SNTA1: variants seen among roughly 807,000 people sequenced by gnomAD.
SNTA1 encodes syntrophin alpha 1.
In SNTA1, 31 loss-of-function variants were observed where a neutral mutation model predicts 47.1. The ratio of observed to expected loss-of-function variants is 0.66; its 90% CI spans 0.49 to 0.89. SNTA1 has a LOEUF of 0.89. Ranked by LOEUF, SNTA1 falls within the 40% of genes least tolerant of loss-of-function variation. The pLI is 0.00. For synonymous variants in SNTA1, 300 were observed against 313.6 expected, an observed-to-expected ratio of 0.96 and a Z score of 0.46; for missense variants, 575 against 693.0, an observed-to-expected ratio of 0.83 and a Z score of 1.91.
chr20:33,418,005 T>C, intron 2 of SNTA1, 82 bp from the exon 3 acceptor site: 1 of 943,890 alleles, frequency 1.1e-6, no homozygotes, highest in South Asian at 1.4e-5. Flanking sequence ...TTATTAAGAG[T>C]TTAATTTACG....
At chr20:33,412,447 G>A (rs757364998) in intron 4 of SNTA1, 21 bp from the exon 5 acceptor site, 4 of 1,610,002 alleles carry the variant, frequency 2.5e-6, no homozygotes, top group South Asian at 1.1e-5. Flanking sequence ...CAAAACAGCA[G>A]TGAGGATGGG....
intron 3 of SNTA1, among the ~76,000 whole-genome samples, chr20:33,415,722 C>T (rs1200174400): frequency 2.0e-5 from 3 of 150,362 alleles, no homozygotes; most frequent in African/African-American, 7.4e-5. Flanking sequence ...ACCTAGGAGG[C>T]GGAGGTTGCA....
At chr20:33,430,295 T>C (rs1316026105) in intron 2 of SNTA1, among the ~76,000 whole-genome samples, 1 of 145,392 alleles carries the variant, frequency 6.9e-6, no homozygotes, top group African/African-American at 2.6e-5. Context: ...TTCTTTTTTT[T>C]TTTTTTTTTT....
At chr20:33,419,871 C>T (rs763427080) in intron 2 of SNTA1, among the ~76,000 whole-genome samples, 3 of 152,108 alleles carry the variant, frequency 2.0e-5, no homozygotes, top group African/African-American at 4.8e-5. Context: ...CTCCTTTAGC[C>T]TTTCAAAGTT....
chr20:33,410,215 G>A lies in SNTA1; in HGVS notation c.1157C>T (p.Pro386Leu), dbSNP rs200865199. The stretch of plus-strand genomic sequence containing the variant: ...GCGGGTCCAGGCAGCCAGCTCCTGC[G>A]GTGACTCCACGCTGAACAGGTGAGT... ...VDTHLFSVES[P>L]QELAAWTRQL... The change falls in exon 6 of 8, where the codon CCG becomes CTG. Residue 386 changes from proline (P) to leucine (L), a missense_variant. Coordinates refer to ENST00000217381, the MANE Select transcript of SNTA1 (RefSeq NM_003098.3). The A allele has an allele frequency of 4.0e-5, 64 of 1,614,000 alleles. No homozygotes were observed. In the Admixed American group the frequency reaches 7.0e-4, roughly 18 times the overall value.
intron 6 of SNTA1, among the ~76,000 whole-genome samples, chr20:33,409,370 A>T (rs1989681525): frequency 6.6e-6 from 1 of 152,264 alleles, no homozygotes; most frequent in Admixed American, 6.5e-5. Context: ...CCTCACCAGC[A>T]GATTGACAAA....
chr20:33,431,294 T>C (rs1372882183), intron 2 of SNTA1, among the ~76,000 whole-genome samples: 1 of 152,130 alleles, frequency 6.6e-6, no homozygotes, highest in Non-Finnish European at 1.5e-5. Flanking sequence ...AAAATATATA[T>C]ATATGAGTTT....
At chr20:33,412,916 C>A in intron 3 of SNTA1, 134 bp from the exon 4 acceptor site, 1 of 699,640 alleles carries the variant, frequency 1.4e-6, no homozygotes, top group Non-Finnish European at 2.6e-6. Context: ...AGGAGCAACC[C>A]TCACTGCTGG....
chr20:33,427,763 G>C (rs555051259), intron 2 of SNTA1, among the ~76,000 whole-genome samples: 1 of 151,952 alleles, frequency 6.6e-6, no homozygotes, highest in Non-Finnish European at 1.5e-5. Context: ...TCATGAATAG[G>C]GGCTGCTAAA....
At chr20:33,441,586 A>G (rs2146812024) in intron 1 of SNTA1, among the ~76,000 whole-genome samples, 1 of 152,212 alleles carries the variant, frequency 6.6e-6, no homozygotes, top group African/African-American at 2.4e-5. Flanking sequence ...GCTTCAGTTC[A>G]GTTTGAAGCT....
chr20:33,436,688 T>A (rs1185377815), intron 2 of SNTA1, among the ~76,000 whole-genome samples: 3 of 151,504 alleles, frequency 2.0e-5, no homozygotes, highest in South Asian at 4.2e-4. Context: ...ATTGGCTAGG[T>A]GTGGTGGCTC....
intron 2 of SNTA1, among the ~76,000 whole-genome samples, chr20:33,424,080 C>T (rs1334242868): frequency 3.3e-5 from 5 of 151,574 alleles, no homozygotes; most frequent in African/African-American, 4.9e-5. Context: ...TTTGGGAGGC[C>T]GAGGCGAGTG....
intron 2 of SNTA1, among the ~76,000 whole-genome samples, chr20:33,437,315 C>T (rs891676957): frequency 6.7e-6 from 1 of 150,112 alleles, no homozygotes; most frequent in Admixed American, 6.7e-5. Flanking sequence ...TAGTCCCAGC[C>T]ACTCAGGAGG....
intron 2 of SNTA1, among the ~76,000 whole-genome samples, chr20:33,418,338 C>T (rs1989930881): frequency 6.6e-6 from 1 of 151,168 alleles, no homozygotes; most frequent in East Asian, 1.9e-4. Context: ...TCGCTACAGC[C>T]TCAATCTCCC....
intron 2 of SNTA1, among the ~76,000 whole-genome samples, chr20:33,425,357 A>G (rs1402585773): frequency 6.6e-6 from 1 of 152,046 alleles, no homozygotes; most frequent in Admixed American, 6.6e-5. Flanking sequence ...TGTGGAGCAA[A>G]AACATTGAAA....
chr20:33,435,596 A>T (rs181080590), intron 2 of SNTA1, among the ~76,000 whole-genome samples: 19 of 152,192 alleles, frequency 1.2e-4, no homozygotes, highest in African/African-American at 4.6e-4. Flanking sequence ...CTGCCTCAAG[A>T]AAAAAACACA....
Position 33,412,694 on chromosome 20 carries a change from T to A in SNTA1, c.790A>T (p.Ile264Phe). ...EASARSWATAIQAQVNTLTPR... is the reference protein window; with the variant it reads ...EASARSWATAFQAQVNTLTPR... The stretch of plus-strand genomic sequence containing the variant: ...GTCAGAGTATTGACCTGGGCTTGGA[T>A]GGCAGTCGCCCACGACCTCGCACTA... Residue 264 changes from isoleucine (I) to phenylalanine (F), a missense_variant, in exon 4 of 8, where the codon ATC becomes TTC. Transcript: ENST00000217381. 1 of 1,613,824 alleles carries A rather than the reference T, an allele frequency of 6.2e-7. No homozygotes were observed. Among genetic ancestry groups the A allele is most frequent in the Non-Finnish European group, 8.5e-7 (1 of 1,179,994 alleles).
At position 33,443,461 on chromosome 20, in the gene SNTA1, C is replaced by G. The variant is rs786205848; in HGVS notation, c.160G>C (p.Gly54Arg). ...GCGGGCTCCTGCTCCCGCGGAGCGC[C>G]GGGCTCGGGACCAGGGTCGCCGTCG... ...PADGDPGPEP[G>R]APREQEPAQL... is the part of the protein sequence containing the mutation. The change falls in exon 1 of 8, where the codon GGC (glycine) becomes CGC (arginine). Residue 54 changes from glycine to arginine, a missense_variant. Transcript: ENST00000217381. The G allele has an allele frequency of 1.9e-4, 257 of 1,369,088 alleles. No homozygotes were observed. Among genetic ancestry groups the G allele is most frequent in the Middle Eastern group, 5.4e-4 (2 of 3,710 alleles). 84.8% of individuals were successfully genotyped at this position (1,369,088 alleles called of 1,614,324 possible). A position where few individuals can be genotyped will look rare whatever the true frequency, so the allele number is the denominator to read the frequency against.
intron 5 of SNTA1, among the ~76,000 whole-genome samples, 172 bp downstream of exon 5, chr20:33,412,124 G>A (rs1347214774): frequency 6.6e-6 from 1 of 152,218 alleles, no homozygotes; most frequent in Non-Finnish European, 1.5e-5. Flanking sequence ...TTTGTTCCAA[G>A]CACCCATTTT....
Sources: allele counts gnomAD v4.1 joint callset (sites outside exome capture counted in the v4.1 genomes callset), GRCh38; gene constraint gnomAD v4.1.1; transcripts MANE v1.5; gene names NCBI Gene and HGNC (gene_info 2026-07-23, HGNC 2026-07-21).